Variants in TASP1 observed in about 807,000 individuals in gnomAD.
The protein encoded by TASP1 is taspase 1, also known as threonine aspartase 1.
TASP1 carries 16 observed loss-of-function variants against 56.6 expected under a neutral mutation model. The ratio of observed to expected loss-of-function variants is 0.28; its 90% CI spans 0.19 to 0.43. The LOEUF (loss-of-function observed/expected upper bound fraction) is 0.43, where lower values mean the gene tolerates loss of function less well. TASP1 is among the 20% of genes least tolerant of loss of function. The pLI, the probability that TASP1 is intolerant of heterozygous loss-of-function variation, is 1.00. For synonymous variants in TASP1, 179 were observed against 184.2 expected, an observed-to-expected ratio of 0.97 and a Z score of 0.23; for missense variants, 393 against 511.6, an observed-to-expected ratio of 0.77 and a Z score of 2.24.
the TASP1 span, chr20:13,126,503 T>G: frequency 1.3e-5 from 19 of 1,459,944 alleles, no homozygotes; most frequent in East Asian, 2.4e-5. Flanking sequence ...TCTTTTGCTA[T>G]GAGGATAGGG....
chr20:13,311,543 A>C, the TASP1 span, among the ~76,000 whole-genome samples: 1 of 152,258 alleles, frequency 6.6e-6, no homozygotes. Context: ...ATAAGTGTTC[A>C]TATACAGATA....
At chr20:13,343,284 C>A in the TASP1 span, among the ~76,000 whole-genome samples, 580 of 152,356 alleles carry the variant, frequency 3.8e-3, 2 homozygotes, top group Admixed American at 7.2e-3. Context: ...ACCCAGCACT[C>A]AGGAAGAGCA....
At chr20:13,630,866 G>C (rs1422260767) in intron 1 of TASP1, among the ~76,000 whole-genome samples, 1 of 151,942 alleles carries the variant, frequency 6.6e-6, no homozygotes, top group East Asian at 1.9e-4. Context: ...CATGTTAGTT[G>C]CTTTATAAGC....
the TASP1 span, among the ~76,000 whole-genome samples, chr20:13,159,577 T>A: frequency 6.6e-6 from 1 of 152,194 alleles, no homozygotes; most frequent in Non-Finnish European, 1.5e-5. Flanking sequence ...TTATAAAACA[T>A]ATAGGTTTAC....
intron 10 of TASP1, among the ~76,000 whole-genome samples, chr20:13,498,596 G>A (rs903191907): frequency 5.9e-5 from 9 of 151,794 alleles, no homozygotes; most frequent in East Asian, 1.9e-4. Flanking sequence ...TGACCGCCTC[G>A]GCCTCTCAAA....
chr20:13,597,765 T>G (rs1489093948), intron 4 of TASP1, among the ~76,000 whole-genome samples: 3 of 152,328 alleles, frequency 2.0e-5, no homozygotes, highest in East Asian at 3.9e-4. Context: ...GATGACATGA[T>G]TGTATATTTA....
intron 4 of TASP1, among the ~76,000 whole-genome samples, chr20:13,606,141 G>GTA (rs1003396001): frequency 2.6e-5 from 4 of 151,400 alleles, no homozygotes; most frequent in Non-Finnish European, 5.9e-5. Context: ...GCGTGCGTGT[G>GTA]TGTGTGTGTG....
chr20:13,143,163 C>T, the TASP1 span, among the ~76,000 whole-genome samples: 2 of 152,120 alleles, frequency 1.3e-5, no homozygotes, highest in Non-Finnish European at 2.9e-5. Flanking sequence ...ATGTCTTGGG[C>T]ACCAAAAAGA....
rs2046560409 is a variant in TASP1, at chr20:13,567,184, C to T, written c.568+2323G>A. Among the ~76,000 whole-genome samples, 8 of 151,922 alleles carry T rather than the reference C, an allele frequency of 5.3e-5. No homozygotes were observed. The South Asian group carries it at 6.3e-4, about 12-fold the overall frequency. The stretch of plus-strand genomic sequence containing the variant: ...AAACTAACACAGGAACAAAAAATAC[C>T]GCATGCTCTCACTTATAAGTGGGAG... On this transcript the variant is annotated intron_variant, in intron 7 of 13. Coordinates refer to ENST00000337743, the MANE Select transcript of TASP1 (RefSeq NM_017714.3).
intron 10 of TASP1, among the ~76,000 whole-genome samples, chr20:13,485,322 G>C (rs1051368543): frequency 5.3e-5 from 8 of 152,096 alleles, no homozygotes; most frequent in Admixed American, 4.6e-4. Context: ...TCCAGTGTTG[G>C]AAATGGATGT....
the TASP1 span, among the ~76,000 whole-genome samples, chr20:13,216,902 C>A: frequency 1.3e-5 from 2 of 152,108 alleles, no homozygotes; most frequent in African/African-American, 4.8e-5. Context: ...GAAAGGGACA[C>A]ACATTAATCC....
the TASP1 span, among the ~76,000 whole-genome samples, chr20:13,143,732 G>A: frequency 6.6e-6 from 1 of 152,208 alleles, no homozygotes; most frequent in Non-Finnish European, 1.5e-5. Flanking sequence ...TGCCTTGGAT[G>A]GGGCTTCCTG....
chr20:13,300,923 A>C, the TASP1 span, among the ~76,000 whole-genome samples: 1 of 152,246 alleles, frequency 6.6e-6, no homozygotes, highest in Non-Finnish European at 1.5e-5. Context: ...GACAGCCCAG[A>C]TGAGCAGGGC....
At chr20:13,348,453 G>A in the TASP1 span, among the ~76,000 whole-genome samples, 1 of 152,220 alleles carries the variant, frequency 6.6e-6, no homozygotes, top group Non-Finnish European at 1.5e-5. Context: ...TAGTGACTAA[G>A]AGGAAGAGAG....
intron 13 of TASP1, among the ~76,000 whole-genome samples, chr20:13,394,599 G>C (rs545999282): frequency 2.6e-5 from 4 of 151,360 alleles, no homozygotes; most frequent in Non-Finnish European, 4.4e-5. Flanking sequence ...GCGACAGAGC[G>C]AGACTCTATC....
the TASP1 span, among the ~76,000 whole-genome samples, chr20:13,347,637 G>A: frequency 3.3e-5 from 5 of 152,132 alleles, no homozygotes; most frequent in Non-Finnish European, 5.9e-5. Flanking sequence ...TCAGGAGTTC[G>A]AGACCAGCCT....
At chr20:13,461,409 G>T (rs2146350191) in intron 11 of TASP1, among the ~76,000 whole-genome samples, 1 of 152,184 alleles carries the variant, frequency 6.6e-6, no homozygotes, top group African/African-American at 2.4e-5. Flanking sequence ...ATTCACTGTT[G>T]TATTTCTAGT....
At chr20:13,339,940 T>A in the TASP1 span, among the ~76,000 whole-genome samples, 1 of 152,042 alleles carries the variant, frequency 6.6e-6, no homozygotes, top group African/African-American at 2.4e-5. Context: ...AAACACAAAG[T>A]ATGTCTGTTA....
At chr20:13,366,992 G>A in the TASP1 span, among the ~76,000 whole-genome samples, 4 of 152,286 alleles carry the variant, frequency 2.6e-5, no homozygotes, top group Middle Eastern at 3.4e-3. Flanking sequence ...TTCAGCTCTT[G>A]CTAAGCCTTG....
Sources: allele counts gnomAD v4.1 joint callset (sites outside exome capture counted in the v4.1 genomes callset), GRCh38; gene constraint gnomAD v4.1.1; transcripts MANE v1.5; gene names NCBI Gene and HGNC (gene_info 2026-07-23, HGNC 2026-07-21).